Variants in LUZP2 observed in about 807,000 individuals in gnomAD.
The protein encoded by LUZP2 is leucine zipper protein 2.
LUZP2 carries 52 observed loss-of-function variants against 51.6 expected under a neutral mutation model. The observed-to-expected ratio is 1.01, with a 90% CI of 0.81 to 1.27. The LOEUF (loss-of-function observed/expected upper bound fraction) is 1.27. Ranked by LOEUF, LUZP2 falls within the 50% of genes most tolerant of loss-of-function variation. The probability of loss-of-function intolerance (pLI) is 0.00; values close to 1 mark genes in which losing one functional copy is unlikely to be tolerated. For synonymous variants in LUZP2, 154 were observed against 137.3 expected (o/e 1.12, Z -0.85); for missense variants, 436 against 395.4 (o/e 1.10, Z -0.87).
At chr11:24,710,531 A>G (rs1857769854) in intron 1 of LUZP2, among the ~76,000 whole-genome samples, 1 of 152,134 alleles carries the variant, frequency 6.6e-6, no homozygotes, top group Non-Finnish European at 1.5e-5. Flanking sequence ...TGACAGGGCT[A>G]TTTTTCTCTG....
intron 5 of LUZP2, among the ~76,000 whole-genome samples, chr11:24,895,479 G>C (rs144205077): frequency 6.6e-6 from 1 of 151,900 alleles, no homozygotes; most frequent in Non-Finnish European, 1.5e-5. Context: ...ACTGAGTATC[G>C]TACCTAAGAG....
chr11:25,050,708 C>T (rs908634668), intron 10 of LUZP2, among the ~76,000 whole-genome samples: 1 of 151,906 alleles, frequency 6.6e-6, no homozygotes, highest in Non-Finnish European at 1.5e-5. Flanking sequence ...AAGTGGAGGA[C>T]CACAGGCTAA....
intron 5 of LUZP2, among the ~76,000 whole-genome samples, chr11:24,797,667 A>C (rs1849582805): frequency 6.6e-6 from 1 of 152,206 alleles, no homozygotes; most frequent in Admixed American, 6.5e-5. Flanking sequence ...TTCATACAGG[A>C]TAACTTAGGG....
At chr11:24,569,549 G>C (rs1458394383) in intron 1 of LUZP2, among the ~76,000 whole-genome samples, 1 of 151,962 alleles carries the variant, frequency 6.6e-6, no homozygotes, top group Non-Finnish European at 1.5e-5. Flanking sequence ...TCTTTCATCA[G>C]ATAACTCACT....
At chr11:24,808,081 A>C (rs1322001889) in intron 5 of LUZP2, among the ~76,000 whole-genome samples, 1 of 152,204 alleles carries the variant, frequency 6.6e-6, no homozygotes, top group Non-Finnish European at 1.5e-5. Flanking sequence ...AATAATAGTA[A>C]TAGAAATAAG....
intron 9 of LUZP2, among the ~76,000 whole-genome samples, chr11:24,999,141 A>T (rs1856598644): frequency 6.6e-6 from 1 of 152,144 alleles, no homozygotes; most frequent in South Asian, 2.1e-4. Flanking sequence ...ATGATGTTCA[A>T]AATTTGAATG....
chr11:24,909,179 C>A (rs562918136), intron 6 of LUZP2, among the ~76,000 whole-genome samples: 2 of 151,414 alleles, frequency 1.3e-5, no homozygotes, highest in Admixed American at 6.6e-5. Context: ...TAGCAAAGCT[C>A]AAAAAATCTA....
chr11:24,896,495 C>G (rs558859880), intron 5 of LUZP2, among the ~76,000 whole-genome samples: 1 of 152,262 alleles, frequency 6.6e-6, no homozygotes, highest in East Asian at 1.9e-4. Flanking sequence ...ATGCTGCGCT[C>G]AAATTCTCGC....
chr11:25,078,519 A>G (rs751648495), intron 11 of LUZP2, 35 bp from the exon 12 acceptor site: 1 of 1,525,322 alleles, frequency 6.6e-7, no homozygotes, highest in Non-Finnish European at 9.0e-7. Flanking sequence ...TGTTATTTTG[A>G]TTCTTCGAAT....
chr11:24,785,045 T>C lies in LUZP2; in HGVS notation c.396+21737T>C, dbSNP rs888290345. Among the ~76,000 whole-genome samples the C allele has an allele frequency of 2.0e-5, 3 of 152,066 alleles. No homozygotes were observed. The South Asian group carries it at 6.2e-4, about 31-fold the overall frequency. On this transcript the variant is annotated intron_variant, in intron 5 of 11. Coordinates refer to ENST00000336930, the MANE Select transcript of LUZP2 (RefSeq NM_001009909.4). ...GTGTGAAGCCCCATTCATATTTCTG[T>C]GGATCCATACCTCACACATACCTTC...
At chr11:24,603,864 TA>T (rs1041759483) in intron 1 of LUZP2, among the ~76,000 whole-genome samples, 6 of 151,852 alleles carry the variant, frequency 4.0e-5, no homozygotes, top group East Asian at 3.9e-4. Context: ...TATAATCACC[TA>T]AAAAAAGTCA....
chr11:24,550,516 C>T (rs1472237738), intron 1 of LUZP2, among the ~76,000 whole-genome samples: 2 of 152,060 alleles, frequency 1.3e-5, no homozygotes, highest in South Asian at 4.1e-4. Flanking sequence ...GAATGTAAAC[C>T]AGATGGCCAG....
rs201476320 is a variant in LUZP2, at chr11:24,766,354, TG to T, written c.396+3047del. ...GTCAGCAAAGCTTTAAAAATCATTT[TG>T]TTTTTCTTTCCAATATGTTGAGTTT... On this transcript the variant is annotated intron_variant, in intron 5 of 11. Coordinates refer to ENST00000336930, the MANE Select transcript of LUZP2 (RefSeq NM_001009909.4). 6.7e-4 allele frequency among the ~76,000 whole-genome samples: 102 copies of T among 152,266 alleles called. 1 individual carries two copies. Among genetic ancestry groups the T allele is most frequent in the South Asian group, 6.0e-3 (29 of 4,824 alleles).
chr11:25,078,801 TC>T lies in LUZP2; in HGVS notation c.*144del, dbSNP rs1371964719. On this transcript the variant is annotated 3_prime_UTR_variant, in exon 12 of 12. Coordinates refer to ENST00000336930, the MANE Select transcript of LUZP2 (RefSeq NM_001009909.4). ...ACTTTATAAAGTAGCCTACACATTT[TC>T]AAAGATTCCAGACCAATTATGATCC... The T allele has an allele frequency of 4.6e-6, 3 of 646,376 alleles. No homozygotes were observed. The highest frequency in any genetic ancestry group is 3.7e-5 in the African/African-American group (2 of 53,434). 40.0% of individuals were successfully genotyped at this position (646,376 alleles called of 1,614,324 possible). A position where few individuals can be genotyped will look rare whatever the true frequency, so the allele number is the denominator to read the frequency against.
chr11:24,739,912 G>T (rs570291467), intron 4 of LUZP2, among the ~76,000 whole-genome samples: 2 of 152,042 alleles, frequency 1.3e-5, no homozygotes, highest in Non-Finnish European at 2.9e-5. Context: ...CTGAAATGTG[G>T]CCTAAAGTCT....
intron 7 of LUZP2, among the ~76,000 whole-genome samples, chr11:24,963,951 T>C (rs945866655): frequency 1.3e-5 from 2 of 152,224 alleles, no homozygotes; most frequent in East Asian, 3.9e-4. Context: ...CTATTGTAGA[T>C]ATTGCTGCAA....
rs756507960 is a variant in LUZP2, at chr11:24,763,254, T to C, written c.342T>C (p.Phe114=). The C allele has an allele frequency of 1.4e-6, 2 of 1,388,328 alleles. No individual in the cohort carries two copies. Among genetic ancestry groups the C allele is most frequent in the Non-Finnish European group, 1.9e-6 (2 of 1,043,802 alleles). The allele number at this position is 1,388,328 out of a possible 1,614,324, so 86.0% of individuals were successfully genotyped here. The change falls in exon 5 of 12, where the codon TTT becomes TTC. Residue 114 remains phenylalanine (F), a synonymous_variant. Transcript: ENST00000336930. ...AGTCTATTCATTTTCAGATTAATTT[T>C]TTAAAGACTGAAGTTGAAAGAAAGA... is the stretch of plus-strand genomic sequence containing the variant. ...KAEKHQATIN[F]LKTEVERKSK...
chr11:24,504,616 C>T (rs764135917), intron 1 of LUZP2, among the ~76,000 whole-genome samples: 3 of 152,018 alleles, frequency 2.0e-5, no homozygotes, highest in Non-Finnish European at 4.4e-5. Context: ...TCAGAATATG[C>T]TAAGATGTGT....
At chr11:24,848,853 C>A (rs886302023) in intron 5 of LUZP2, among the ~76,000 whole-genome samples, 20 of 152,092 alleles carry the variant, frequency 1.3e-4, no homozygotes, top group Admixed American at 4.6e-4. Flanking sequence ...ACCATAATAT[C>A]ATCTCAATAA....
Sources: gnomAD v4.1 joint callset for allele counts (sites outside exome capture counted in the v4.1 genomes callset) on GRCh38, gnomAD v4.1.1 for gene constraint, MANE v1.5 for transcripts, NCBI Gene and HGNC (gene_info 2026-07-23, HGNC 2026-07-21) for gene names.